The following OVCH1 variants were observed in gnomAD, a reference collection of about 807,000 sequenced individuals.
OVCH1 encodes ovochymase 1.
Under a neutral mutation model 138.4 loss-of-function variants are expected in OVCH1, and 139 were observed. The observed-to-expected ratio is 1.00, with a 90% CI of 0.87 to 1.16. The LOEUF is 1.16. Ranked by LOEUF, OVCH1 falls within the 50% of genes most tolerant of loss-of-function variation. The pLI is 0.00. For missense variants in OVCH1, 1,367 were observed against 1,357.9 expected, an observed-to-expected ratio of 1.01 and a Z score of -0.11; for synonymous variants, 453 against 467.8, an observed-to-expected ratio of 0.97 and a Z score of 0.41.
In OVCH1 at chr12:29,477,082, G is replaced by A; in HGVS notation, c.1377+20C>T. 6.3e-7 allele frequency: 1 copy of A among 1,576,426 alleles called. No individual in the cohort carries two copies. The highest frequency in any genetic ancestry group is 8.6e-7 in the Non-Finnish European group (1 of 1,160,250). On this transcript the variant is annotated intron_variant, in intron 12 of 27. Coordinates refer to ENST00000318184, the Ensembl canonical transcript of OVCH1. The stretch of plus-strand genomic sequence containing the variant: ...GTAACTCTATTCTTTATGAGGTAGA[G>A]CGATTCCTCAGTTGCCTACCTTTAT...
chr12:29,442,638 A>T (rs899624759), intron 25 of OVCH1, among the ~76,000 whole-genome samples: 2 of 151,766 alleles, frequency 1.3e-5, no homozygotes, highest in African/African-American at 2.4e-5. Flanking sequence ...AAAATAAAAA[A>T]AAATAAAAAA....
chr12:29,427,698 G>C (rs887807416), intron 27 of OVCH1: 14 of 1,533,646 alleles, frequency 9.1e-6, no homozygotes, highest in Non-Finnish European at 1.1e-5. Flanking sequence ...TATGGTATTT[G>C]TTATAGCAGC....
intron 26 of OVCH1, among the ~76,000 whole-genome samples, chr12:29,436,599 C>A (rs1481477653): frequency 6.6e-6 from 1 of 152,162 alleles, no homozygotes; most frequent in Non-Finnish European, 1.5e-5. Context: ...TGTTACAGCT[C>A]TTAAAGATGG....
At chr12:29,467,247 AAG>A (rs1480278958) in intron 16 of OVCH1, among the ~76,000 whole-genome samples, 6 of 152,338 alleles carry the variant, frequency 3.9e-5, no homozygotes, top group Middle Eastern at 6.8e-3. Context: ...CTTTATATAG[AAG>A]AGAGTGTATA....
chr12:29,471,626 C>G (rs1461900785), intron 16 of OVCH1, among the ~76,000 whole-genome samples, 176 bp downstream of exon 16: 1 of 152,190 alleles, frequency 6.6e-6, no homozygotes, highest in Non-Finnish European at 1.5e-5. Flanking sequence ...ATTTGATTAA[C>G]TTTTCCTTCA....
intron 23 of OVCH1, among the ~76,000 whole-genome samples, chr12:29,444,629 C>T (rs1333185943): frequency 6.6e-6 from 1 of 151,856 alleles, no homozygotes; most frequent in Non-Finnish European, 1.5e-5. Context: ...TGCTTTATTA[C>T]TTAATTAACT....
intron 22 of OVCH1, among the ~76,000 whole-genome samples, chr12:29,446,290 A>G (rs1234249665): frequency 1.3e-5 from 2 of 152,138 alleles, no homozygotes; most frequent in East Asian, 3.9e-4. Flanking sequence ...TAGAGCCAAG[A>G]AAGAGAAAAG....
the OVCH1 span, among the ~76,000 whole-genome samples, chr12:29,405,767 C>T: frequency 6.6e-6 from 1 of 152,160 alleles, no homozygotes; most frequent in East Asian, 1.9e-4. Context: ...GCAATCAGTA[C>T]AATTCATTTT....
chr12:29,409,271 T>C (rs927001784), downstream of OVCH1, among the ~76,000 whole-genome samples: 2 of 152,230 alleles, frequency 1.3e-5, no homozygotes, highest in African/African-American at 4.8e-5. Context: ...CCTGGATTCA[T>C]TAATGTTTTG....
chr12:29,437,474 C>T (rs1370230482), intron 26 of OVCH1, among the ~76,000 whole-genome samples: 3 of 152,112 alleles, frequency 2.0e-5, no homozygotes, highest in Admixed American at 2.0e-4. Context: ...GGTGAATTAT[C>T]ATAAGGGTGA....
the OVCH1 span, among the ~76,000 whole-genome samples, chr12:29,403,924 G>A: frequency 6.6e-6 from 1 of 152,106 alleles, no homozygotes; most frequent in Non-Finnish European, 1.5e-5. Context: ...CATACACATG[G>A]TATGCAAGAT....
At chr12:29,411,626 T>C (rs1217752009), downstream of OVCH1, among the ~76,000 whole-genome samples, 2 of 152,146 alleles carry the variant, frequency 1.3e-5, no homozygotes, top group African/African-American at 4.8e-5. Context: ...CGGTTTTTCG[T>C]GAACCGTAAA....
At chr12:29,437,020 T>TC (rs1281558128) in intron 26 of OVCH1, among the ~76,000 whole-genome samples, 1 of 152,156 alleles carries the variant, frequency 6.6e-6, no homozygotes, top group Non-Finnish European at 1.5e-5. Context: ...TGCTGACTGG[T>TC]CCGTTTTTAC....
In OVCH1 at chr12:29,414,783, A is replaced by T. The variant is rs182133133; in HGVS notation, c.*72-2058T>A. On this transcript the variant is annotated intron_variant and NMD_transcript_variant, in intron 3 of 4. Coordinates refer to the OVCH1 transcript ENST00000539117. The stretch of plus-strand genomic sequence containing the variant: ...GGATAGTCAATCCAGCATTATTAAA[A>T]TTTTTTTAAAAAGGAAACAATCCAT... 3.0e-4 allele frequency among the ~76,000 whole-genome samples: 45 copies of T among 152,290 alleles called. No homozygotes were observed. In the East Asian group the frequency reaches 4.8e-3, roughly 16 times the overall value.
chr12:29,427,257 A>AAAATCAAAT (rs1249332554), downstream of OVCH1, among the ~76,000 whole-genome samples: 2 of 152,132 alleles, frequency 1.3e-5, no homozygotes, highest in East Asian at 3.9e-4. Context: ...TTTTCTTTTA[A>AAAATCAAAT]AAATCAAATA....
chr12:29,447,849 C>T (rs186252981), intron 22 of OVCH1, among the ~76,000 whole-genome samples: 31 of 152,068 alleles, frequency 2.0e-4, no homozygotes, highest in South Asian at 4.2e-4. Flanking sequence ...GGTGACTATT[C>T]TCTTGTTCAT....
At chr12:29,441,124 A>G (rs1182921223) in intron 25 of OVCH1, among the ~76,000 whole-genome samples, 1 of 152,196 alleles carries the variant, frequency 6.6e-6, no homozygotes, top group Non-Finnish European at 1.5e-5. Context: ...TTGGTTGACC[A>G]CCCAAAATCC....
chr12:29,453,206 C>G (rs546692347), intron 21 of OVCH1, among the ~76,000 whole-genome samples: 19 of 152,294 alleles, frequency 1.2e-4, no homozygotes, highest in Non-Finnish European at 2.6e-4. Flanking sequence ...CTCTCTGTCT[C>G]AATCCCAAGT....
At chr12:29,435,997 T>C (rs10771533) in intron 26 of OVCH1, among the ~76,000 whole-genome samples, 34,058 of 152,186 alleles carry the variant, frequency 0.22, 4,424 homozygotes, top group Admixed American at 0.39. Context: ...ATTGATCTTT[T>C]TAGACCTGTA....
Sources: gnomAD v4.1 joint callset for allele counts (sites outside exome capture counted in the v4.1 genomes callset) on GRCh38, gnomAD v4.1.1 for gene constraint, MANE v1.5 for transcripts, NCBI Gene and HGNC (gene_info 2026-07-23, HGNC 2026-07-21) for gene names.